The following KRABD3 variants were observed in gnomAD, a reference collection of about 807,000 sequenced individuals.
KRABD3 encodes the protein KRAB domain containing 3.
At chr7:149,733,521 C>A in the KRABD3 span, 1 of 1,593,180 alleles carries the variant, frequency 6.3e-7, no homozygotes, top group South Asian at 1.1e-5. Context: ...TGGATGTGGA[C>A]CCTCCCACGG....
At chr7:149,720,028 C>T in the KRABD3 span, 9 of 1,549,876 alleles carry the variant, frequency 5.8e-6, no homozygotes, top group East Asian at 4.9e-5. Context: ...GCTGCTCCCC[C>T]TCTCTGCTTT....
chr7:149,718,513 C>T, the KRABD3 span, among the ~76,000 whole-genome samples: 19 of 81,938 alleles, frequency 2.3e-4, no homozygotes, highest in Admixed American at 3.1e-4. Flanking sequence ...CACTGAAGGA[C>T]TTTTTTTTTT....
chr7:149,722,778 C>T, the KRABD3 span: 6 of 1,595,608 alleles, frequency 3.8e-6, no homozygotes, highest in East Asian at 2.2e-5. Flanking sequence ...TTGCATGTGC[C>T]ACAGGAATTT....
chr7:149,728,513 A>C, the KRABD3 span: 21 of 1,612,504 alleles, frequency 1.3e-5, no homozygotes, highest in Non-Finnish European at 1.8e-5. Flanking sequence ...TGAATGTTTG[A>C]TCTTCACAGG....
chr7:149,733,757 CT>C, the KRABD3 span: 3 of 1,590,460 alleles, frequency 1.9e-6, no homozygotes, highest in South Asian at 3.4e-5. Flanking sequence ...CCAGCAGCTG[CT>C]GTCCTCTACA....
At chr7:149,731,500 G>A in the KRABD3 span, among the ~76,000 whole-genome samples, 5 of 152,322 alleles carry the variant, frequency 3.3e-5, no homozygotes, top group Admixed American at 2.0e-4. Flanking sequence ...CACACGCACC[G>A]CGGCGGGCCC....
chr7:149,721,508 G>A, the KRABD3 span: 6 of 1,611,996 alleles, frequency 3.7e-6, no homozygotes, highest in South Asian at 2.2e-5. Flanking sequence ...AACTGGTGAC[G>A]GGGTCCAGGG....
At chr7:149,721,585 G>C in the KRABD3 span, 1 of 1,586,182 alleles carries the variant, frequency 6.3e-7, no homozygotes, top group African/African-American at 1.3e-5. Context: ...CAAAAGCCCT[G>C]ATCGTGGCGT....
chr7:149,730,904 C>G, the KRABD3 span, among the ~76,000 whole-genome samples: 1 of 152,210 alleles, frequency 6.6e-6, no homozygotes, highest in Non-Finnish European at 1.5e-5. Context: ...CAATCAATAA[C>G]AAAAGTCTCA....
the KRABD3 span, chr7:149,729,959 TG>T: frequency 7.7e-7 from 1 of 1,290,436 alleles, no homozygotes; most frequent in Non-Finnish European, 9.8e-7. Context: ...GCTGGGGTCC[TG>T]GCCAGGCTCT....
At chr7:149,715,373 T>C in the KRABD3 span, 2 of 1,162,730 alleles carry the variant, frequency 1.7e-6, no homozygotes, top group East Asian at 7.7e-5. Flanking sequence ...ATACTTCTGT[T>C]CTTGGTGGAA....
At chr7:149,727,468 C>T in the KRABD3 span, among the ~76,000 whole-genome samples, 14 of 152,192 alleles carry the variant, frequency 9.2e-5, no homozygotes, top group Non-Finnish European at 1.5e-4. Flanking sequence ...ATGAAGCCTT[C>T]GGCACTCCAG....
At chr7:149,720,081 C>T in the KRABD3 span, 1 of 1,553,030 alleles carries the variant, frequency 6.4e-7, no homozygotes, top group Non-Finnish European at 8.7e-7. Flanking sequence ...GGGGAGGGAG[C>T]CACGCTGATG....
chr7:149,715,242 T>C, the KRABD3 span: 1 of 1,217,774 alleles, frequency 8.2e-7, no homozygotes. Flanking sequence ...TCTCCAGCTC[T>C]CCGCCGCCGG....
the KRABD3 span, chr7:149,729,689 G>A: frequency 1.0e-6 from 1 of 985,270 alleles, no homozygotes; most frequent in African/African-American, 1.7e-5. Flanking sequence ...TTCCTTCCTA[G>A]ATCTGCTGCA....
the KRABD3 span, chr7:149,719,362 G>C: frequency 1.8e-6 from 1 of 550,642 alleles, no homozygotes; most frequent in South Asian, 2.8e-5. The surrounding 1 kb of genome is among the most constrained non-coding windows in gnomAD (Gnocchi z 5.6). Context: ...GGACTTCAGC[G>C]TGTCTCTGCA....
chr7:149,734,176 C>T, the KRABD3 span: 13 of 1,304,858 alleles, frequency 1.0e-5, no homozygotes, highest in South Asian at 4.6e-5. Context: ...CTGGGAGCCT[C>T]GCCCTTTGTC....
the KRABD3 span, chr7:149,733,829 A>C: frequency 6.2e-7 from 1 of 1,603,792 alleles, no homozygotes; most frequent in Non-Finnish European, 8.5e-7. Flanking sequence ...GGGCCACCAG[A>C]GCCCCCTTCC....
chr7:149,729,999 AAG>A, the KRABD3 span: 1 of 1,317,238 alleles, frequency 7.6e-7, no homozygotes, highest in Non-Finnish European at 9.7e-7. Flanking sequence ...TTTCTCTGGC[AAG>A]AGAGGCAGCC....
Sources: gnomAD v4.1 joint callset for allele counts (sites outside exome capture counted in the v4.1 genomes callset) on GRCh38, gnomAD v4.1.1 for gene constraint, Gnocchi (gnomAD v3.1) non-coding constraint, MANE v1.5 for transcripts, NCBI Gene and HGNC (gene_info 2026-07-23, HGNC 2026-07-21) for gene names.